SLC25A21: variants seen among roughly 807,000 people sequenced by gnomAD.
The protein encoded by SLC25A21 is solute carrier family 25 member 21.
SLC25A21 carries 47 observed loss-of-function variants against 43.8 expected under a neutral mutation model. That is an observed-to-expected ratio of 1.07 (90% CI 0.85 to 1.37). The LOEUF (loss-of-function observed/expected upper bound fraction) is 1.37. Ranked by LOEUF, SLC25A21 falls within the 40% of genes most tolerant of loss-of-function variation. The probability of loss-of-function intolerance (pLI) is 0.00; values close to 1 mark genes in which losing one functional copy is unlikely to be tolerated. For missense variants in SLC25A21, 352 were observed against 350.2 expected (o/e 1.00, Z -0.04); for synonymous variants, 131 against 121.3 (o/e 1.08, Z -0.52).
intron 1 of SLC25A21, among the ~76,000 whole-genome samples, chr14:37,146,455 C>T (rs1963666496): frequency 6.6e-6 from 1 of 152,164 alleles, no homozygotes; most frequent in African/African-American, 2.4e-5. Flanking sequence ...CCATGTTACC[C>T]AGCCTGGTCT....
At chr14:36,850,843 C>G (rs1410780074) in intron 2 of SLC25A21, among the ~76,000 whole-genome samples, 1 of 152,120 alleles carries the variant, frequency 6.6e-6, no homozygotes, top group African/African-American at 2.4e-5. Context: ...CTCCGTCCAA[C>G]CCCATCATTC....
chr14:36,750,770 T>A (rs2139258974), intron 3 of SLC25A21, among the ~76,000 whole-genome samples: 1 of 152,302 alleles, frequency 6.6e-6, no homozygotes, highest in East Asian at 1.9e-4. Context: ...CTTACCCAGA[T>A]GACTATCTGT....
intron 1 of SLC25A21, among the ~76,000 whole-genome samples, chr14:37,024,640 T>TA (rs113823343): frequency 5.4e-4 from 81 of 151,228 alleles, no homozygotes; most frequent in Admixed American, 2.6e-3. Flanking sequence ...AATATTGCTT[T>TA]AAAAAAAAAC....
chr14:36,967,398 A>T (rs1959641170), intron 1 of SLC25A21, among the ~76,000 whole-genome samples: 2 of 152,214 alleles, frequency 1.3e-5, no homozygotes, highest in Non-Finnish European at 1.5e-5. Context: ...TACTAACCAT[A>T]CATGAGCACT....
At chr14:36,867,523 C>A (rs1292099279) in intron 2 of SLC25A21, among the ~76,000 whole-genome samples, 3 of 152,226 alleles carry the variant, frequency 2.0e-5, no homozygotes, top group East Asian at 3.9e-4. Flanking sequence ...TGGCACGAGG[C>A]CAGCAGGAAC....
At chr14:36,747,767 C>T (rs1885554439) in intron 3 of SLC25A21, among the ~76,000 whole-genome samples, 1 of 152,148 alleles carries the variant, frequency 6.6e-6, no homozygotes, top group Non-Finnish European at 1.5e-5. Context: ...GGAGGTGCCC[C>T]CTAGTGGTAT....
chr14:36,710,432 GAAAGAAAGAA>G (rs1187811363), intron 7 of SLC25A21, among the ~76,000 whole-genome samples: 5 of 151,714 alleles, frequency 3.3e-5, no homozygotes, highest in Non-Finnish European at 7.4e-5. Flanking sequence ...AAGAAAGAAA[GAAAGAAAGAA>G]AAAGAAAGAA....
chr14:36,874,169 A>G (rs1028515742), intron 2 of SLC25A21, among the ~76,000 whole-genome samples: 5 of 152,192 alleles, frequency 3.3e-5, no homozygotes, highest in Non-Finnish European at 7.4e-5. Flanking sequence ...ATTATCAAAT[A>G]TTTCCTAATT....
At chr14:36,930,288 G>A (rs911009995) in intron 1 of SLC25A21, among the ~76,000 whole-genome samples, 13 of 152,176 alleles carry the variant, frequency 8.5e-5, no homozygotes, top group African/African-American at 3.1e-4. Flanking sequence ...CAGGTTTTCA[G>A]AATGATGTTT....
chr14:36,959,018 T>G (rs988447499), intron 1 of SLC25A21, among the ~76,000 whole-genome samples: 2 of 152,302 alleles, frequency 1.3e-5, no homozygotes, highest in African/African-American at 2.4e-5. Context: ...TATTCAAGCA[T>G]GGAAGGAGGA....
intron 1 of SLC25A21, among the ~76,000 whole-genome samples, chr14:37,119,418 G>A (rs1963164994): frequency 6.6e-6 from 1 of 152,060 alleles, no homozygotes; most frequent in African/African-American, 2.4e-5. Flanking sequence ...GCGTGGTGGT[G>A]TGGTGGCATG....
intron 1 of SLC25A21, among the ~76,000 whole-genome samples, chr14:36,894,902 G>C (rs181569511): frequency 6.6e-6 from 1 of 152,152 alleles, no homozygotes; most frequent in South Asian, 2.1e-4. Context: ...ACTTGATCAC[G>C]GTGGATAAGC....
intron 1 of SLC25A21, among the ~76,000 whole-genome samples, chr14:36,882,499 T>C (rs756544514): frequency 2.0e-5 from 3 of 152,230 alleles, no homozygotes; most frequent in Non-Finnish European, 4.4e-5. Context: ...TCTATGTGAA[T>C]GGTATCTCTA....
chr14:36,817,169 A>C (rs1888484933), intron 2 of SLC25A21, among the ~76,000 whole-genome samples: 1 of 152,064 alleles, frequency 6.6e-6, no homozygotes, highest in Non-Finnish European at 1.5e-5. Context: ...TTTTACAAAA[A>C]CCCAGGGTAT....
intron 3 of SLC25A21, among the ~76,000 whole-genome samples, chr14:36,748,574 G>C (rs1885586029): frequency 6.6e-6 from 1 of 152,130 alleles, no homozygotes; most frequent in South Asian, 2.1e-4. Flanking sequence ...ATAAGGGTTA[G>C]CTATTTCCCT....
chr14:37,164,896 T>C (rs1964006049), intron 1 of SLC25A21, among the ~76,000 whole-genome samples: 1 of 152,216 alleles, frequency 6.6e-6, no homozygotes, highest in Non-Finnish European at 1.5e-5. Flanking sequence ...ATTTCACTCT[T>C]ATTTGACTCT....
chr14:36,830,408 T>C (rs1594624549), intron 2 of SLC25A21, among the ~76,000 whole-genome samples: 1 of 152,172 alleles, frequency 6.6e-6, no homozygotes, highest in East Asian at 1.9e-4. Context: ...ACCTAAGGTG[T>C]AACAAAGATT....
chr14:36,902,970 A>G (rs1312614401), intron 1 of SLC25A21, among the ~76,000 whole-genome samples: 1 of 152,108 alleles, frequency 6.6e-6, no homozygotes, highest in Non-Finnish European at 1.5e-5. Flanking sequence ...GGGCAAAACA[A>G]ACAAACAAAA....
chr14:36,721,870 C>A (rs546328874), intron 6 of SLC25A21, among the ~76,000 whole-genome samples: 1 of 152,320 alleles, frequency 6.6e-6, no homozygotes, highest in Admixed American at 6.5e-5. Context: ...AAATTTTCTA[C>A]GATGAGCATA....
Sources: gnomAD v4.1 joint callset for allele counts (sites outside exome capture counted in the v4.1 genomes callset) on GRCh38, gnomAD v4.1.1 for gene constraint, MANE v1.5 for transcripts, NCBI Gene and HGNC (gene_info 2026-07-23, HGNC 2026-07-21) for gene names.